SORCS2: variants seen among roughly 807,000 people sequenced by gnomAD.
SORCS2 encodes sortilin related VPS10 domain containing receptor 2, also known as VPS10 domain-containing receptor SorCS2.
Under a neutral mutation model 141.6 loss-of-function variants are expected in SORCS2, and 100 were observed. The ratio of observed to expected loss-of-function variants is 0.71; its 90% confidence interval spans 0.60 to 0.83. The LOEUF (loss-of-function observed/expected upper bound fraction) is 0.83, where lower values mean the gene tolerates loss of function less well. Ranked by LOEUF, SORCS2 falls within the 40% of genes least tolerant of loss-of-function variation. The pLI is 0.00. For missense variants in SORCS2, 1,646 were observed against 1,560.2 expected (o/e 1.05, Z -0.93); for synonymous variants, 789 against 676.9 (o/e 1.17, Z -2.57).
chr4:7,500,244 G>C (rs1263331525), intron 2 of SORCS2, among the ~76,000 whole-genome samples: 1 of 152,160 alleles, frequency 6.6e-6, no homozygotes, highest in African/African-American at 2.4e-5. Flanking sequence ...CCCCGGGAGT[G>C]TGGGAGGTCA....
intron 3 of SORCS2, among the ~76,000 whole-genome samples, chr4:7,636,008 T>C (rs146282913): frequency 1.6e-3 from 249 of 152,362 alleles, no homozygotes; most frequent in African/African-American, 5.4e-3. Context: ...ATGAGCTTAA[T>C]TGTCTTCTGG....
At chr4:7,578,831 A>G (rs1715946240) in intron 3 of SORCS2, among the ~76,000 whole-genome samples, 1 of 152,140 alleles carries the variant, frequency 6.6e-6, no homozygotes, top group African/African-American at 2.4e-5. Flanking sequence ...ATTCTACTCA[A>G]TTTCATTTCT....
chr4:7,598,572 G>A (rs1717438909), intron 3 of SORCS2, among the ~76,000 whole-genome samples: 1 of 152,194 alleles, frequency 6.6e-6, no homozygotes, highest in African/African-American at 2.4e-5. Context: ...CTTGGGCAAG[G>A]CATGGCGGCT....
At chr4:7,501,468 C>T (rs988333139) in intron 2 of SORCS2, among the ~76,000 whole-genome samples, 5 of 152,136 alleles carry the variant, frequency 3.3e-5, no homozygotes, top group Non-Finnish European at 7.3e-5. Flanking sequence ...GCAGGATTTA[C>T]GTGTTTTGAT....
intron 2 of SORCS2, among the ~76,000 whole-genome samples, chr4:7,483,230 G>A (rs1452897461): frequency 1.3e-5 from 2 of 151,938 alleles, no homozygotes; most frequent in East Asian, 3.9e-4. Context: ...GGCTGAGGCA[G>A]GAGGATGGCG....
At chr4:7,592,270 A>T (rs1172299191) in intron 3 of SORCS2, among the ~76,000 whole-genome samples, 2 of 152,094 alleles carry the variant, frequency 1.3e-5, no homozygotes, top group Non-Finnish European at 2.9e-5. Context: ...TTTTTAACAA[A>T]TCCAGGCTGG....
At chr4:7,651,255 A>T (rs10002753) in intron 4 of SORCS2, among the ~76,000 whole-genome samples, 2,816 of 152,284 alleles carry the variant, frequency 0.018, 82 homozygotes, top group African/African-American at 0.064. Flanking sequence ...CACGGGCTAG[A>T]CTTCCAAAGC....
chr4:7,646,659 C>T (rs1721099239), intron 4 of SORCS2, among the ~76,000 whole-genome samples: 3 of 152,072 alleles, frequency 2.0e-5, no homozygotes, highest in Non-Finnish European at 2.9e-5. Context: ...AAAAGACAGG[C>T]ACAGAGGGAA....
rs1459121752 is a variant in SORCS2, at chr4:7,363,404, T to C, written c.481-32884T>C. On this transcript the variant is annotated intron_variant, in intron 1 of 26. Coordinates refer to ENST00000507866, the MANE Select transcript of SORCS2 (RefSeq NM_020777.3). ...CCGTCATTGCTACCAACACCATCAC[T>C]GTCACCATAACTGTGCATCACCATT... 9.6e-5 allele frequency among the ~76,000 whole-genome samples: 14 copies of C among 145,750 alleles called. 1 individual carries two copies. The East Asian group carries it at 2.6e-3, about 27-fold the overall frequency.
intron 3 of SORCS2, among the ~76,000 whole-genome samples, chr4:7,622,061 C>A (rs1719229642): frequency 6.6e-6 from 1 of 151,902 alleles, no homozygotes. Context: ...ATACCCACGT[C>A]CTGCCCCAGA....
At chr4:7,351,504 T>C (rs1036049429) in intron 1 of SORCS2, among the ~76,000 whole-genome samples, 8 of 152,320 alleles carry the variant, frequency 5.3e-5, no homozygotes, top group African/African-American at 1.9e-4. Flanking sequence ...CTTATCTCTG[T>C]CCATCTGTCT....
intron 1 of SORCS2, among the ~76,000 whole-genome samples, chr4:7,378,036 G>GT (rs751098953): frequency 4.6e-5 from 7 of 152,222 alleles, no homozygotes; most frequent in Admixed American, 6.5e-5. Context: ...AGGATATATG[G>GT]TTTTTTTCTT....
intron 23 of SORCS2, among the ~76,000 whole-genome samples, chr4:7,732,778 C>T (rs1393607079): frequency 6.6e-6 from 1 of 152,148 alleles, no homozygotes; most frequent in East Asian, 1.9e-4. Context: ...TCATGAAGGC[C>T]AGAGCCATGT....
chr4:7,640,855 T>TA (rs1253315075), intron 4 of SORCS2, among the ~76,000 whole-genome samples: 1 of 151,962 alleles, frequency 6.6e-6, no homozygotes, highest in African/African-American at 2.4e-5. Context: ...ACGAGAGGAA[T>TA]AGCACATGCC....
At chr4:7,297,556 G>A (rs1172008774) in intron 1 of SORCS2, among the ~76,000 whole-genome samples, 1 of 152,138 alleles carries the variant, frequency 6.6e-6, no homozygotes, top group Non-Finnish European at 1.5e-5. Flanking sequence ...GGGTGAACGT[G>A]GGGCAGAGAG....
intron 1 of SORCS2, among the ~76,000 whole-genome samples, chr4:7,267,638 C>T (rs894729592): frequency 1.3e-5 from 2 of 152,218 alleles, no homozygotes; most frequent in African/African-American, 4.8e-5. Flanking sequence ...CGAGACCAGC[C>T]TGGCTAACAT....
intron 3 of SORCS2, among the ~76,000 whole-genome samples, chr4:7,605,737 T>C (rs1718015749): frequency 6.6e-6 from 1 of 152,122 alleles, no homozygotes; most frequent in Admixed American, 6.6e-5. Context: ...CTCTGTTCCA[T>C]TTCATTCCCC....
intron 3 of SORCS2, among the ~76,000 whole-genome samples, chr4:7,552,064 C>T (rs1051599787): frequency 2.0e-5 from 3 of 152,174 alleles, no homozygotes; most frequent in African/African-American, 7.2e-5. Context: ...TCCTAATTGT[C>T]ATGTAATTAG....
chr4:7,343,182 C>T (rs1348414517), intron 1 of SORCS2, among the ~76,000 whole-genome samples: 3 of 152,222 alleles, frequency 2.0e-5, no homozygotes, highest in Non-Finnish European at 2.9e-5. Flanking sequence ...ACGTGCCAGT[C>T]GCCCTCAGAC....
Sources: gnomAD v4.1 joint callset for allele counts (sites outside exome capture counted in the v4.1 genomes callset) on GRCh38, gnomAD v4.1.1 for gene constraint, MANE v1.5 for transcripts, NCBI Gene and HGNC (gene_info 2026-07-23, HGNC 2026-07-21) for gene names.